The following KCNG2 variants were observed in gnomAD, a reference collection of about 807,000 sequenced individuals.
The protein encoded by KCNG2 is voltage-gated potassium channel regulatory subunit KCNG2.
In KCNG2, 7 loss-of-function variants were observed where a neutral mutation model predicts 12.3. The observed-to-expected ratio is 0.57, with a 90% CI of 0.32 to 1.07. KCNG2 has a LOEUF of 1.07. Ranked by LOEUF, KCNG2 falls within the 50% of genes least tolerant of loss-of-function variation. KCNG2 has a pLI of 0.04. For synonymous variants in KCNG2, 414 were observed against 351.4 expected, an observed-to-expected ratio of 1.18 and a Z score of -1.99; for missense variants, 703 against 726.0, an observed-to-expected ratio of 0.97 and a Z score of 0.36.
At chr18:79,866,764 TCTGAGAGGTCTGTATG>T (rs1979587245) in intron 3 of KCNG2, among the ~76,000 whole-genome samples, 1 of 14,752 alleles carries the variant, frequency 6.8e-5, no homozygotes, top group East Asian at 3.0e-3. Flanking sequence ...AGGTCTGTGT[TCTGAGAGGTCTGTATG>T]CTGAGAGGTC....
chr18:79,833,877 G>A (rs1043813500), intron 1 of KCNG2, among the ~76,000 whole-genome samples: 1 of 152,214 alleles, frequency 6.6e-6, no homozygotes, highest in African/African-American at 2.4e-5. Context: ...TGCTGAGTGC[G>A]CCGGGAAGAG....
intron 1 of KCNG2, among the ~76,000 whole-genome samples, chr18:79,851,700 TGTATGTG>T (rs1014181532): frequency 9.5e-5 from 12 of 125,808 alleles, no homozygotes; most frequent in South Asian, 7.2e-4. Flanking sequence ...CCTGTGTGAA[TGTATGTG>T]TGTGTGAACG....
chr18:79,890,152 T>G (rs916298233), intron 3 of KCNG2, among the ~76,000 whole-genome samples: 3 of 152,204 alleles, frequency 2.0e-5, no homozygotes, highest in Non-Finnish European at 4.4e-5. Context: ...AACATCGGTA[T>G]TCACGTGTGG....
Position 79,899,975 on chromosome 18 carries a change from GC to G in KCNG2, c.*162del. 1.7e-6 allele frequency: 1 copy of G among 593,570 alleles called. No individual in the cohort carries two copies. Among genetic ancestry groups the G allele is most frequent in the South Asian group, 7.5e-5 (1 of 13,414 alleles). 36.8% of individuals were successfully genotyped at this position (593,570 alleles called of 1,614,324 possible). On this transcript the variant is annotated 3_prime_UTR_variant, in exon 4 of 4. Transcript: ENST00000316249. ...GTGAGCAGCCCCAGAACTTGGCGGGGCCCTGCCTGACTCCCCGTGGCAGCGC... is the reference window on the plus strand; with the variant it reads ...GTGAGCAGCCCCAGAACTTGGCGGGGCCTGCCTGACTCCCCGTGGCAGCGC...
At chr18:79,858,807 G>A (rs1339980842) in intron 2 of KCNG2, among the ~76,000 whole-genome samples, 2 of 151,802 alleles carry the variant, frequency 1.3e-5, no homozygotes, top group Non-Finnish European at 1.5e-5. Flanking sequence ...TTTAATTTAC[G>A]TTTCCATAAT....
At chr18:79,820,239 G>A (rs566700556) in intron 1 of KCNG2, among the ~76,000 whole-genome samples, 1 of 152,168 alleles carries the variant, frequency 6.6e-6, no homozygotes, top group Non-Finnish European at 1.5e-5. Context: ...CCCACCTTTT[G>A]GCTAATGGGG....
intron 3 of KCNG2, among the ~76,000 whole-genome samples, chr18:79,881,804 C>T (rs541246533): frequency 6.6e-6 from 1 of 152,320 alleles, no homozygotes; most frequent in East Asian, 1.9e-4. Flanking sequence ...GCAGTTGGAA[C>T]TGACACTGCC....
At chr18:79,859,427 G>A (rs1021159799) in intron 2 of KCNG2, among the ~76,000 whole-genome samples, 13 of 152,236 alleles carry the variant, frequency 8.5e-5, no homozygotes, top group African/African-American at 3.1e-4. Context: ...AGAAGATGGC[G>A]TGGAGCTGGT....
At position 79,899,932 on chromosome 18, in the gene KCNG2, C is replaced by T. The variant is rs1372826155; in HGVS notation, c.*116C>T. On this transcript the variant is annotated 3_prime_UTR_variant, in exon 4 of 4. Coordinates refer to ENST00000316249, the MANE Select transcript of KCNG2 (RefSeq NM_012283.2). ...CTGGGGGAGCGGCTCCTGCCGGCCG[C>T]GTCCTCGGCCCTCGTGCGTGAGCAG... 13 of 989,394 alleles carry T rather than the reference C, an allele frequency of 1.3e-5. No homozygotes were observed. The highest frequency in any genetic ancestry group is 1.1e-4 in the East Asian group (3 of 28,236). 61.3% of individuals were successfully genotyped at this position (989,394 alleles called of 1,614,324 possible). A position where few individuals can be genotyped will look rare whatever the true frequency, so the allele number is the denominator to read the frequency against.
intron 1 of KCNG2, among the ~76,000 whole-genome samples, chr18:79,848,591 T>A (rs1048518938): frequency 2.0e-5 from 3 of 152,324 alleles, no homozygotes; most frequent in Admixed American, 2.0e-4. Flanking sequence ...ATGAAGTCCG[T>A]CTCACAGGTC....
chr18:79,871,711 G>A (rs778307257), intron 3 of KCNG2, among the ~76,000 whole-genome samples: 70 of 152,320 alleles, frequency 4.6e-4, no homozygotes, highest in Admixed American at 9.1e-4. Context: ...CCCCTATGAC[G>A]CCTTGGCAGA....
intron 3 of KCNG2, among the ~76,000 whole-genome samples, chr18:79,872,287 T>TTTTTTTG (rs532945619): frequency 0.24 from 27,086 of 113,058 alleles, 5,261 homozygotes; most frequent in South Asian, 0.45. Flanking sequence ...TCAGTTTTTT[T>TTTTTTTG]TTTTTTTTTT....
chr18:79,869,693 T>C (rs62103195), intron 3 of KCNG2, among the ~76,000 whole-genome samples: 14,937 of 152,282 alleles, frequency 0.098, 932 homozygotes, highest in Middle Eastern at 0.16. Flanking sequence ...CTCAACTGTT[T>C]ATCTTGCCTG....
chr18:79,868,261 C>T (rs1437028130), intron 3 of KCNG2, among the ~76,000 whole-genome samples: 1 of 152,236 alleles, frequency 6.6e-6, no homozygotes, highest in African/African-American at 2.4e-5. Flanking sequence ...CCCAGCCCTT[C>T]ACACTCCTGG....
chr18:79,844,673 A>T (rs1451213446), intron 1 of KCNG2, among the ~76,000 whole-genome samples: 2 of 152,240 alleles, frequency 1.3e-5, no homozygotes, highest in Admixed American at 1.3e-4. Context: ...ATTAGACATC[A>T]ATAAAGTGGG....
intron 1 of KCNG2, among the ~76,000 whole-genome samples, chr18:79,812,682 A>G (rs933016135): frequency 3.5e-4 from 53 of 152,142 alleles, no homozygotes; most frequent in African/African-American, 1.2e-3. Context: ...CCAACATGGC[A>G]AAACCTCATC....
chr18:79,863,200 G>A (rs1390234499), intron 2 of KCNG2, among the ~76,000 whole-genome samples: 1 of 152,362 alleles, frequency 6.6e-6, no homozygotes, highest in Non-Finnish European at 1.5e-5. Context: ...TGATTCTGAC[G>A]TGGCTGGTCC....
rs1217311908 is a variant in KCNG2 at position 79,868,709 on chromosome 18, CGTG to C, written c.624+4419_624+4421del. Among the ~76,000 whole-genome samples the C allele has an allele frequency of 2.0e-5, 3 of 152,110 alleles. No individual in the cohort carries two copies. In the East Asian group the frequency reaches 5.8e-4, roughly 29 times the overall value. ...AGAACCGTAAAATGATGGTGATTCC[CGTG>C]AGAAGATGCTCAGCCTCACTTTAAT... On this transcript the variant is annotated intron_variant, in intron 3 of 3. Transcript: ENST00000316249.
chr18:79,852,779 C>T (rs760599176), intron 1 of KCNG2, among the ~76,000 whole-genome samples: 4 of 152,282 alleles, frequency 2.6e-5, no homozygotes, highest in Admixed American at 6.5e-5. Context: ...TAATTAAAGT[C>T]CAGGCCTCCT....
Sources: gnomAD v4.1 joint callset for allele counts (sites outside exome capture counted in the v4.1 genomes callset) on GRCh38, gnomAD v4.1.1 for gene constraint, MANE v1.5 for transcripts, NCBI Gene and HGNC (gene_info 2026-07-23, HGNC 2026-07-21) for gene names.